XIRP2: variants seen among roughly 807,000 people sequenced by gnomAD.
XIRP2 encodes xin actin binding repeat containing 2.
XIRP2 carries 236 observed loss-of-function variants against 277.0 expected under a neutral mutation model. That is an observed-to-expected ratio of 0.85 (90% CI 0.77 to 0.95). XIRP2 has a LOEUF of 0.95. Among genes scored for constraint, XIRP2 ranks in the 40% least tolerant of loss-of-function variants. The probability of loss-of-function intolerance (pLI) is 0.00; values close to 1 mark genes in which losing one functional copy is unlikely to be tolerated. For synonymous variants in XIRP2, 1,490 were observed against 1,416.5 expected, an observed-to-expected ratio of 1.05 and a Z score of -1.17; for missense variants, 4,640 against 4,157.5, an observed-to-expected ratio of 1.12 and a Z score of -3.19.
chr2:167,042,521 C>T (rs536315290), intron 2 of XIRP2, among the ~76,000 whole-genome samples: 10 of 151,856 alleles, frequency 6.6e-5, no homozygotes, highest in South Asian at 6.2e-4. Flanking sequence ...GAAAATGAAA[C>T]GAACGAACAA....
At chr2:167,099,269 C>G (rs1266397661) in intron 2 of XIRP2, among the ~76,000 whole-genome samples, 1 of 152,158 alleles carries the variant, frequency 6.6e-6, no homozygotes, top group Non-Finnish European at 1.5e-5. Flanking sequence ...GTAGGCCCCA[C>G]CCAGTTCAAA....
chr2:166,894,644 C>T (rs1405078020), intron 1 of XIRP2, among the ~76,000 whole-genome samples: 1 of 151,992 alleles, frequency 6.6e-6, no homozygotes, highest in Non-Finnish European at 1.5e-5. Context: ...ATAGTGAAAA[C>T]CTACTTTTTT....
rs772232997 is a variant in XIRP2, at chr2:167,249,303, C to T, written c.7911C>T (p.Val2637=). Residue 2637 remains valine (V), a synonymous_variant, in exon 9 of 11, where the codon GTC becomes GTT. Coordinates refer to ENST00000409195, the MANE Select transcript of XIRP2 (RefSeq NM_152381.6). ...TCTCCACAACATCGCCAGAAACAGT[C>T]GCTGCCAAGAGGCTCCACCATGTTT... ...NQLSTTSPET[V]AAKRLHHVLA... 154 of 1,613,722 alleles carry T rather than the reference C, an allele frequency of 9.5e-5. 3 individuals carry two copies. The South Asian group carries it at 1.5e-3, about 16-fold the overall frequency.
chr2:167,081,930 C>A (rs1018360966), intron 2 of XIRP2, among the ~76,000 whole-genome samples: 2 of 141,358 alleles, frequency 1.4e-5, no homozygotes, highest in Non-Finnish European at 3.0e-5. Flanking sequence ...CTTATATCCA[C>A]TTAACCATGT....
chr2:167,152,223 T>A (rs1228543328), intron 3 of XIRP2, among the ~76,000 whole-genome samples: 1 of 151,964 alleles, frequency 6.6e-6, no homozygotes, highest in Non-Finnish European at 1.5e-5. Context: ...CTGAAGTAGG[T>A]CATGAAAACT....
intron 2 of XIRP2, among the ~76,000 whole-genome samples, chr2:167,030,656 C>T (rs571287505): frequency 1.8e-4 from 28 of 152,056 alleles, no homozygotes; most frequent in African/African-American, 4.3e-4. Context: ...AGAATAAGTG[C>T]GATGTGGTGC....
chr2:167,175,524 G>A (rs976169715), intron 3 of XIRP2, among the ~76,000 whole-genome samples: 1 of 152,078 alleles, frequency 6.6e-6, no homozygotes, highest in Non-Finnish European at 1.5e-5. Flanking sequence ...ATCCCAGAGG[G>A]GCACCTGCCA....
chr2:167,171,988 C>T (rs370133919), intron 3 of XIRP2, among the ~76,000 whole-genome samples: 1 of 152,082 alleles, frequency 6.6e-6, no homozygotes, highest in Non-Finnish European at 1.5e-5. Context: ...TATTTTGGTA[C>T]AGGCATGCGA....
intron 2 of XIRP2, among the ~76,000 whole-genome samples, chr2:166,921,970 A>T (rs1489268284): frequency 6.6e-6 from 1 of 152,150 alleles, no homozygotes; most frequent in Non-Finnish European, 1.5e-5. Flanking sequence ...TACAGATGAC[A>T]TGGGTGAAAA....
At chr2:167,220,230 T>A (rs548684941) in intron 5 of XIRP2, among the ~76,000 whole-genome samples, 28 of 152,268 alleles carry the variant, frequency 1.8e-4, no homozygotes, top group Non-Finnish European at 3.8e-4. Context: ...ATCATTGATG[T>A]AGGGGCTTAA....
intron 3 of XIRP2, among the ~76,000 whole-genome samples, chr2:167,208,642 A>G (rs1391264951): frequency 6.6e-6 from 1 of 152,092 alleles, no homozygotes; most frequent in African/African-American, 2.4e-5. Flanking sequence ...GAGCAATGGA[A>G]TCCAAATCAG....
chr2:167,154,276 T>C (rs1462074605), intron 3 of XIRP2, among the ~76,000 whole-genome samples: 3 of 150,520 alleles, frequency 2.0e-5, no homozygotes, highest in African/African-American at 2.5e-5. Context: ...TCTTGTAAAT[T>C]TGTTTGAGTT....
intron 4 of XIRP2, among the ~76,000 whole-genome samples, chr2:167,215,218 G>A (rs1274900718): frequency 6.6e-6 from 1 of 152,084 alleles, no homozygotes; most frequent in Non-Finnish European, 1.5e-5. Context: ...CAAAAGGGGT[G>A]CTGTACATTT....
At chr2:167,210,651 T>C in intron 3 of XIRP2, 84 bp from the exon 4 acceptor site, 2 of 1,512,214 alleles carry the variant, frequency 1.3e-6, no homozygotes, top group Non-Finnish European at 1.8e-6. Flanking sequence ...TCAAGTATTT[T>C]AAATGCTTCA....
At chr2:166,905,632 A>G (rs1329403435) in intron 2 of XIRP2, among the ~76,000 whole-genome samples, 2 of 152,010 alleles carry the variant, frequency 1.3e-5, no homozygotes, top group African/African-American at 4.8e-5. Flanking sequence ...ATTTCCATAA[A>G]TGTATGAAAC....
At chr2:167,070,774 G>A (rs1264574783) in intron 2 of XIRP2, among the ~76,000 whole-genome samples, 1 of 152,038 alleles carries the variant, frequency 6.6e-6, no homozygotes, top group African/African-American at 2.4e-5. Flanking sequence ...AAGGAAAGTT[G>A]TTTTATCCAT....
intron 2 of XIRP2, among the ~76,000 whole-genome samples, chr2:167,041,159 T>TG (rs1262318602): frequency 3.9e-5 from 6 of 152,184 alleles, no homozygotes; most frequent in Admixed American, 2.6e-4. Context: ...AGCTAAGCCT[T>TG]GGCCCCCTGA....
intron 2 of XIRP2, among the ~76,000 whole-genome samples, chr2:166,912,784 G>C (rs535824615): frequency 6.6e-6 from 1 of 152,260 alleles, no homozygotes; most frequent in African/African-American, 2.4e-5. Flanking sequence ...ATGGGGATTT[G>C]GTGTGGATGT....
intron 3 of XIRP2, among the ~76,000 whole-genome samples, chr2:167,140,514 C>T (rs1007738587): frequency 1.2e-4 from 18 of 152,164 alleles, no homozygotes; most frequent in African/African-American, 4.3e-4. Context: ...TCTGCCTGAA[C>T]TGTCCCCTCT....
Sources: allele counts gnomAD v4.1 joint callset (sites outside exome capture counted in the v4.1 genomes callset), GRCh38; gene constraint gnomAD v4.1.1; transcripts MANE v1.5; gene names NCBI Gene and HGNC (gene_info 2026-07-23, HGNC 2026-07-21).